The following MAP6 variants were observed in gnomAD, a reference collection of about 807,000 sequenced individuals.
The protein encoded by MAP6 is microtubule-associated protein 6.
MAP6 carries 26 observed loss-of-function variants against 42.4 expected under a neutral mutation model. The ratio of observed to expected loss-of-function variants is 0.61; its 90% CI spans 0.45 to 0.85. The LOEUF (loss-of-function observed/expected upper bound fraction) is 0.85, where lower values mean the gene tolerates loss of function less well. Ranked by LOEUF, MAP6 falls within the 40% of genes least tolerant of loss-of-function variation. MAP6 has a pLI of 0.00. For missense variants in MAP6, 966 were observed against 1,099.0 expected, an observed-to-expected ratio of 0.88 and a Z score of 1.71; for synonymous variants, 418 against 443.8, an observed-to-expected ratio of 0.94 and a Z score of 0.73.
intron 1 of MAP6, among the ~76,000 whole-genome samples, chr11:75,652,367 T>C (rs1192474145): frequency 6.6e-6 from 1 of 152,164 alleles, no homozygotes; most frequent in East Asian, 1.9e-4. Context: ...TGTCTAGCTC[T>C]CCATGCCCCA....
At chr11:75,622,432 G>A (rs922011563) in intron 1 of MAP6, among the ~76,000 whole-genome samples, 6 of 151,138 alleles carry the variant, frequency 4.0e-5, no homozygotes, top group Non-Finnish European at 8.8e-5. Context: ...AAAAAAAGAA[G>A]TGCAATGGCT....
At chr11:75,605,695 A>T in intron 3 of MAP6, 113 bp downstream of exon 3, 1 of 1,519,220 alleles carries the variant, frequency 6.6e-7, no homozygotes, top group East Asian at 2.3e-5. Context: ...ACCAAGGCAG[A>T]TGAGAAGCCT....
chr11:75,615,842 A>G (rs1942985753), intron 1 of MAP6, among the ~76,000 whole-genome samples: 1 of 152,112 alleles, frequency 6.6e-6, no homozygotes, highest in Non-Finnish European at 1.5e-5. Context: ...GCTTGCAGTC[A>G]TTCAACGGGA....
At chr11:75,615,578 C>T (rs12285790) in intron 1 of MAP6, among the ~76,000 whole-genome samples, 2,661 of 152,164 alleles carry the variant, frequency 0.017, 83 homozygotes, top group African/African-American at 0.061. Flanking sequence ...GAGAGATCAA[C>T]AATTACACAG....
intron 1 of MAP6, among the ~76,000 whole-genome samples, chr11:75,625,568 C>T (rs1943180819): frequency 6.6e-6 from 1 of 152,102 alleles, no homozygotes; most frequent in African/African-American, 2.4e-5. Context: ...GAGAGGTGAG[C>T]GATTTGCTCA....
chr11:75,666,994 G>A (rs1943958638), intron 1 of MAP6, among the ~76,000 whole-genome samples: 1 of 152,148 alleles, frequency 6.6e-6, no homozygotes, highest in Non-Finnish European at 1.5e-5. Context: ...GACTGAGAAA[G>A]GGAGGAAAGA....
At chr11:75,664,699 G>A (rs897483515) in intron 1 of MAP6, among the ~76,000 whole-genome samples, 5 of 152,180 alleles carry the variant, frequency 3.3e-5, no homozygotes, top group Non-Finnish European at 7.4e-5. Flanking sequence ...AAATTCAGAA[G>A]ATATCCTAGA....
chr11:75,657,110 ATTTTT>A (rs60988687), intron 1 of MAP6, among the ~76,000 whole-genome samples: 9 of 123,314 alleles, frequency 7.3e-5, no homozygotes, highest in African/African-American at 2.3e-4. Context: ...TGGAGACACT[ATTTTT>A]TTTTTTTTTT....
intron 2 of MAP6, among the ~76,000 whole-genome samples, chr11:75,606,664 C>T (rs1028696121): frequency 6.6e-6 from 1 of 152,226 alleles, no homozygotes; most frequent in African/African-American, 2.4e-5. Flanking sequence ...GAGAAGCATC[C>T]TCGCTGAGAT....
At chr11:75,608,402 A>C (rs1590764635) in intron 1 of MAP6, 80 bp from the exon 2 acceptor site, 1 of 1,118,416 alleles carries the variant, frequency 8.9e-7, no homozygotes, top group East Asian at 2.4e-5. Flanking sequence ...CTGCAAACAC[A>C]GCAAGCTCTC....
At chr11:75,652,100 AATT>A (rs1423864029) in intron 1 of MAP6, among the ~76,000 whole-genome samples, 38 of 152,312 alleles carry the variant, frequency 2.5e-4, no homozygotes, top group East Asian at 1.2e-3. Flanking sequence ...TCTATTCAAT[AATT>A]ATTATTATAT....
In MAP6 at chr11:75,667,278, C is replaced by A. The variant is rs149966120; in HGVS notation, c.905+187G>T. Among the ~76,000 whole-genome samples, 1 of 152,244 alleles carries A rather than the reference C, an allele frequency of 6.6e-6. No homozygotes were observed. Among genetic ancestry groups the A allele is most frequent in the Non-Finnish European group, 1.5e-5 (1 of 68,008 alleles). ...TGAGATGGAATATACTAACAGCTTG[C>A]GCATGGGACAGGGCAGAAGAGAAGG... On this transcript the variant is annotated intron_variant, in intron 1 of 3. Coordinates refer to ENST00000304771, the MANE Select transcript of MAP6 (RefSeq NM_033063.2). The surrounding 1 kb of genome is among the most constrained non-coding windows in gnomAD (Gnocchi z 5.6).
At chr11:75,628,010 A>C (rs1943225716) in intron 1 of MAP6, among the ~76,000 whole-genome samples, 1 of 152,162 alleles carries the variant, frequency 6.6e-6, no homozygotes, top group African/African-American at 2.4e-5. Context: ...TGAAATCAAG[A>C]GAGAGGCTCA....
At chr11:75,659,246 C>T (rs775047930) in intron 1 of MAP6, among the ~76,000 whole-genome samples, 7 of 152,190 alleles carry the variant, frequency 4.6e-5, no homozygotes, top group South Asian at 2.1e-4. Flanking sequence ...CTTTGGGAGG[C>T]TGAAGCAGGG....
chr11:75,591,898 C>G (rs1942483126), intron 3 of MAP6, among the ~76,000 whole-genome samples: 1 of 152,222 alleles, frequency 6.6e-6, no homozygotes, highest in Admixed American at 6.5e-5. Context: ...AGGTGGGCGT[C>G]TGGAATAACA....
At chr11:75,619,308 A>T (rs77957871) in intron 1 of MAP6, among the ~76,000 whole-genome samples, 1 of 152,264 alleles carries the variant, frequency 6.6e-6, no homozygotes, top group South Asian at 2.1e-4. Flanking sequence ...TATCAGGTAC[A>T]GAAATTGAAT....
At chr11:75,631,665 A>G (rs1334468125) in intron 1 of MAP6, among the ~76,000 whole-genome samples, 2 of 152,268 alleles carry the variant, frequency 1.3e-5, no homozygotes, top group Non-Finnish European at 2.9e-5. Context: ...TCAGAACACA[A>G]ATCTCAACAT....
In MAP6 at chr11:75,605,891, C is replaced by T; in HGVS notation, c.1233G>A (p.Lys411=). The T allele has an allele frequency of 6.2e-7, 1 of 1,614,160 alleles. No homozygotes were observed. The highest frequency in any genetic ancestry group is 1.1e-5 in the South Asian group (1 of 91,080). ...TGGTGGTACTCGGGCCCTCCGCGCT[C>T]TTTTTCTTGGCAGCCTGGCCTGACA... ...QAVSGQAAKK[K]SAEGPSTTKP... Residue 411 remains lysine (K), a synonymous_variant, in exon 3 of 4, where the codon AAG becomes AAA. Transcript: ENST00000304771.
chr11:75,608,571 A>C (rs1339481388), intron 1 of MAP6, among the ~76,000 whole-genome samples: 1 of 152,136 alleles, frequency 6.6e-6, no homozygotes, highest in Non-Finnish European at 1.5e-5. Context: ...CCAGCTCCAC[A>C]CTGTGTGACC....
Sources: allele counts gnomAD v4.1 joint callset (sites outside exome capture counted in the v4.1 genomes callset), GRCh38; gene constraint gnomAD v4.1.1; non-coding constraint Gnocchi (gnomAD v3.1); transcripts MANE v1.5; gene names NCBI Gene and HGNC (gene_info 2026-07-23, HGNC 2026-07-21).